RAPGEF4: variants seen among roughly 807,000 people sequenced by gnomAD.
The protein encoded by RAPGEF4 is Rap guanine nucleotide exchange factor 4, also known as RAP guanine-nucleotide-exchange factor (GEF) 4.
In RAPGEF4, 66 loss-of-function variants were observed where a neutral mutation model predicts 147.9. The ratio of observed to expected loss-of-function variants is 0.45; its 90% CI spans 0.37 to 0.55. RAPGEF4 has a LOEUF of 0.55. Ranked by LOEUF, RAPGEF4 falls within the 20% of genes least tolerant of loss-of-function variation. RAPGEF4 has a pLI of 0.00. For missense variants in RAPGEF4, 1,071 were observed against 1,257.3 expected, an observed-to-expected ratio of 0.85 and a Z score of 2.24; for synonymous variants, 419 against 442.7, an observed-to-expected ratio of 0.95 and a Z score of 0.67.
chr2:173,042,487 G>A lies in RAPGEF4; in HGVS notation c.2853+5795G>A, dbSNP rs903835366. On this transcript the variant is annotated intron_variant, in intron 29 of 30. Coordinates refer to ENST00000397081, the MANE Select transcript of RAPGEF4 (RefSeq NM_007023.4). The surrounding 1 kb of genome is among the most constrained non-coding windows in gnomAD (Gnocchi z 4.2). ...AAAATACAAAAATTAGCCAGGCATG[G>A]TGGCGGGCGCCTGTAATCCCAGCTA... is the stretch of plus-strand genomic sequence containing the variant. Among the ~76,000 whole-genome samples, 15 of 152,110 alleles carry A rather than the reference G, an allele frequency of 9.9e-5. No homozygotes were observed. The highest frequency in any genetic ancestry group is 2.6e-4 in the Admixed American group (4 of 15,282).
intron 6 of RAPGEF4, among the ~76,000 whole-genome samples, chr2:172,930,136 C>T (rs556527158): frequency 6.6e-6 from 1 of 152,198 alleles, no homozygotes; most frequent in African/African-American, 2.4e-5. Context: ...GGGTGCTACC[C>T]AGGGGGAAGG....
chr2:172,881,427 T>C (rs902546344), intron 4 of RAPGEF4, among the ~76,000 whole-genome samples: 6 of 152,374 alleles, frequency 3.9e-5, no homozygotes, highest in Admixed American at 1.3e-4. Context: ...ATATTTTATG[T>C]ATTTAAGACA....
chr2:172,796,726 A>G (rs1428153933), intron 2 of RAPGEF4, among the ~76,000 whole-genome samples: 6 of 152,152 alleles, frequency 3.9e-5, no homozygotes, highest in Non-Finnish European at 8.8e-5. Flanking sequence ...TCCAATAAGC[A>G]CTAGCCTTGC....
intron 4 of RAPGEF4, among the ~76,000 whole-genome samples, chr2:172,835,653 G>C (rs538967755): frequency 8.9e-3 from 70 of 7,880 alleles, no homozygotes; most frequent in Non-Finnish European, 0.084. Context: ...TATATAACCT[G>C]ATATTAAATA....
Position 173,035,226 on chromosome 2 carries a change from C to T in RAPGEF4, c.2701-899C>T, listed in dbSNP as rs150303542. 2.5e-3 allele frequency among the ~76,000 whole-genome samples: 372 copies of T among 151,618 alleles called. 1 individual carries two copies. The highest frequency in any genetic ancestry group is 8.3e-3 in the East Asian group (42 of 5,074). ...TTTATTTTTTAAAAAACAGGGGTCT[C>T]GGCCAGGCACGGTGGCTCACACCTA... On this transcript the variant is annotated intron_variant, in intron 27 of 30. Coordinates refer to ENST00000397081, the MANE Select transcript of RAPGEF4 (RefSeq NM_007023.4).
intron 4 of RAPGEF4, among the ~76,000 whole-genome samples, chr2:172,861,773 G>T (rs1352773222): frequency 1.3e-5 from 2 of 152,240 alleles, no homozygotes; most frequent in Non-Finnish European, 2.9e-5. Context: ...CGACAGGAGT[G>T]CTGGACTAGG....
intron 16 of RAPGEF4, among the ~76,000 whole-genome samples, chr2:172,998,131 T>G (rs540184833): frequency 5.3e-5 from 8 of 152,196 alleles, no homozygotes; most frequent in Non-Finnish European, 1.0e-4. Context: ...CATAAAGGAA[T>G]GTGCACATAA....
intron 4 of RAPGEF4, among the ~76,000 whole-genome samples, chr2:172,820,024 A>C (rs1242570272): frequency 6.6e-6 from 1 of 152,192 alleles, no homozygotes; most frequent in African/African-American, 2.4e-5. Flanking sequence ...AGGGTTTCCA[A>C]TGGCTAGAAC....
intron 1 of RAPGEF4, among the ~76,000 whole-genome samples, chr2:172,761,986 G>T (rs757066947): frequency 5.3e-5 from 8 of 152,148 alleles, no homozygotes; most frequent in African/African-American, 7.2e-5. Context: ...GCCAAGGGTG[G>T]TAACGAGCAC....
intron 17 of RAPGEF4, among the ~76,000 whole-genome samples, chr2:173,006,113 A>G (rs1316811133): frequency 2.6e-5 from 4 of 152,200 alleles, no homozygotes; most frequent in Non-Finnish European, 4.4e-5. Context: ...TTTAACATTT[A>G]GGAGAAAAAA....
intron 4 of RAPGEF4, among the ~76,000 whole-genome samples, chr2:172,897,430 G>A (rs975530591): frequency 2.6e-5 from 4 of 151,840 alleles, no homozygotes; most frequent in African/African-American, 9.7e-5. Flanking sequence ...ACAGGGTCTC[G>A]CTCTGTCACC....
intron 3 of RAPGEF4, among the ~76,000 whole-genome samples, chr2:172,811,646 G>A (rs1398794878): frequency 1.3e-5 from 2 of 152,330 alleles, no homozygotes; most frequent in Middle Eastern, 3.4e-3. Flanking sequence ...AGCAGGCGAA[G>A]GCAGGCATTA....
intron 4 of RAPGEF4, among the ~76,000 whole-genome samples, chr2:172,898,337 G>A (rs969992889): frequency 2.6e-5 from 4 of 152,104 alleles, no homozygotes; most frequent in South Asian, 2.1e-4. Flanking sequence ...AAAGAATCCC[G>A]CCTGCTCGCT....
intron 9 of RAPGEF4, 120 bp from the exon 10 acceptor site, chr2:172,967,140 AG>A: frequency 1.0e-6 from 1 of 952,518 alleles, no homozygotes; most frequent in Non-Finnish European, 1.6e-6. Flanking sequence ...GAGAAGGGCG[AG>A]GAGGCTCCCG....
intron 4 of RAPGEF4, among the ~76,000 whole-genome samples, chr2:172,902,706 C>T (rs781511517): frequency 1.3e-5 from 2 of 152,152 alleles, no homozygotes; most frequent in African/African-American, 4.8e-5. Context: ...AGGGCCTAAT[C>T]TGTTATTTGA....
At chr2:172,900,191 G>T (rs1698925495) in intron 4 of RAPGEF4, among the ~76,000 whole-genome samples, 2 of 152,236 alleles carry the variant, frequency 1.3e-5, no homozygotes, top group Admixed American at 1.3e-4. Flanking sequence ...ACCATTTAAA[G>T]CTGCAACTCT....
intron 30 of RAPGEF4, among the ~76,000 whole-genome samples, chr2:173,049,338 G>T (rs1361165908): frequency 6.6e-6 from 1 of 152,172 alleles, no homozygotes; most frequent in Non-Finnish European, 1.5e-5. Context: ...TTTCTTCTGG[G>T]CTGGGACTTT....
intron 5 of RAPGEF4, among the ~76,000 whole-genome samples, chr2:172,918,624 C>T (rs1025829097): frequency 6.6e-6 from 1 of 152,154 alleles, no homozygotes; most frequent in African/African-American, 2.4e-5. Flanking sequence ...CCACTAAACT[C>T]AAAGAAACCC....
intron 5 of RAPGEF4, among the ~76,000 whole-genome samples, chr2:172,919,881 C>T (rs1016490021): frequency 4.6e-5 from 7 of 152,048 alleles, no homozygotes; most frequent in African/African-American, 7.2e-5. Context: ...CTTTCTCTCG[C>T]CATCACCCCT....
Sources: gnomAD v4.1 joint callset for allele counts (sites outside exome capture counted in the v4.1 genomes callset) on GRCh38, gnomAD v4.1.1 for gene constraint, Gnocchi (gnomAD v3.1) non-coding constraint, MANE v1.5 for transcripts, NCBI Gene and HGNC (gene_info 2026-07-23, HGNC 2026-07-21) for gene names.